The following STK32B variants were observed in gnomAD, a reference collection of about 807,000 sequenced individuals.
STK32B encodes serine/threonine kinase 32B.
A neutral mutation model predicts 52.6 loss-of-function variants in STK32B; 43 were observed. The ratio of observed to expected loss-of-function variants is 0.82; its 90% CI spans 0.64 to 1.05. STK32B has a LOEUF of 1.05. STK32B is among the 50% of genes least tolerant of loss of function. The pLI is 0.00. For synonymous variants in STK32B, 238 were observed against 204.3 expected (o/e 1.17, Z -1.41); for missense variants, 621 against 534.6 (o/e 1.16, Z -1.59).
intron 3 of STK32B, among the ~76,000 whole-genome samples, chr4:5,198,663 G>A (rs1233898840): frequency 6.6e-6 from 1 of 152,148 alleles, no homozygotes; most frequent in Non-Finnish European, 1.5e-5. Flanking sequence ...CCATGGGGTG[G>A]TGATGCCACA....
At chr4:5,249,393 A>G (rs1021583977) in intron 3 of STK32B, among the ~76,000 whole-genome samples, 1 of 152,006 alleles carries the variant, frequency 6.6e-6, no homozygotes, top group African/African-American at 2.4e-5. Context: ...AATTATGACA[A>G]GGGATCTGAT....
intron 3 of STK32B, among the ~76,000 whole-genome samples, chr4:5,188,658 C>T (rs947702721): frequency 6.6e-6 from 1 of 152,198 alleles, no homozygotes; most frequent in African/African-American, 2.4e-5. Context: ...TGTGTGGCTA[C>T]ACTTTCACCT....
intron 2 of STK32B, among the ~76,000 whole-genome samples, chr4:5,162,487 G>T (rs1490642215): frequency 6.6e-6 from 1 of 152,172 alleles, no homozygotes; most frequent in Non-Finnish European, 1.5e-5. Flanking sequence ...CACTGACTCA[G>T]GATCCATTCC....
At chr4:5,133,917 C>T (rs142857673) in intron 1 of STK32B, among the ~76,000 whole-genome samples, 5 of 152,192 alleles carry the variant, frequency 3.3e-5, no homozygotes, top group African/African-American at 4.8e-5. Flanking sequence ...AGTTAACTTA[C>T]GTCCTCAGGT....
At position 5,460,234 on chromosome 4, in the gene STK32B, T is replaced by C. The variant is rs757800318; in HGVS notation, c.909+6T>C. On this transcript the variant is annotated splice_donor_region_variant and intron_variant, in intron 9 of 11. Coordinates refer to ENST00000282908, the MANE Select transcript of STK32B (RefSeq NM_018401.3). This position sits in a 1 kb window ranked among gnomAD's most constrained non-coding sequence, Gnocchi z 4.8. The stretch of plus-strand genomic sequence containing the variant: ...TGCCCGGCTTTGTGCCCAATGTGAG[T>C]GGAAGTCCCACCTGATGTCATGCCA... 2 of 1,608,178 alleles carry C rather than the reference T, an allele frequency of 1.2e-6. No homozygotes were observed. Among genetic ancestry groups the C allele is most frequent in the South Asian group, 1.1e-5 (1 of 90,018 alleles).
intron 1 of STK32B, among the ~76,000 whole-genome samples, chr4:5,080,036 A>T (rs536981215): frequency 9.3e-6 from 1 of 107,874 alleles, no homozygotes; most frequent in South Asian, 4.1e-4. Flanking sequence ...CTGGAGACCT[A>T]ATGGTACGGC....
chr4:5,041,933 A>G, the STK32B span, among the ~76,000 whole-genome samples: 9 of 152,194 alleles, frequency 5.9e-5, no homozygotes, highest in African/African-American at 2.2e-4. Context: ...CATAAACGAT[A>G]ACAAAATCTG....
chr4:5,168,329 A>T lies in STK32B; in HGVS notation c.139A>T (p.Lys47Ter), dbSNP rs1229010019. 6.2e-7 allele frequency: 1 copy of T among 1,613,848 alleles called. No homozygotes were observed. Among genetic ancestry groups the T allele is most frequent in the East Asian group, 2.2e-5 (1 of 44,838 alleles). ...CATCGTGCAGAAGCGAGACACTAAG[A>T]AAATGTATGCAATGAAGTACATGAA... ...VCIVQKRDTKKMYAMKYMNKQ... is the reference protein window; with the variant it reads ...VCIVQKRDTK The change falls in exon 3 of 12, where the codon AAA becomes TAA. Residue 47 changes from lysine (K) to a stop codon, truncating the protein, a stop_gained. Coordinates refer to ENST00000282908, the MANE Select transcript of STK32B (RefSeq NM_018401.3). LOFTEE classifies it high-confidence loss of function.
chr4:5,086,505 C>A (rs1712738698), intron 1 of STK32B, among the ~76,000 whole-genome samples: 1 of 150,994 alleles, frequency 6.6e-6, no homozygotes, highest in African/African-American at 2.4e-5. Flanking sequence ...TAATGGCAAC[C>A]CCAGAAGTAG....
chr4:5,197,894 C>G (rs57228804), intron 3 of STK32B, among the ~76,000 whole-genome samples: 35,555 of 151,996 alleles, frequency 0.23, 5,095 homozygotes, highest in Non-Finnish European at 0.33. Flanking sequence ...AGCCATCCTG[C>G]CTGGAATAAG....
intron 3 of STK32B, among the ~76,000 whole-genome samples, chr4:5,249,487 C>T (rs1041442308): frequency 1.4e-5 from 2 of 142,026 alleles, no homozygotes; most frequent in Non-Finnish European, 3.0e-5. Flanking sequence ...TCCTTCCTTC[C>T]TTCCTTCCTT....
At chr4:5,174,627 G>C (rs954860390) in intron 3 of STK32B, among the ~76,000 whole-genome samples, 4 of 152,124 alleles carry the variant, frequency 2.6e-5, no homozygotes, top group African/African-American at 7.2e-5. Context: ...TTGAATATTG[G>C]CCTCCACTCT....
intron 1 of STK32B, among the ~76,000 whole-genome samples, chr4:5,122,430 CTACTTCACTCATTCACT>C (rs1715102259): frequency 1.4e-5 from 2 of 148,040 alleles, no homozygotes; most frequent in African/African-American, 5.1e-5. Context: ...ACTCATTAAC[CTACTTCACTCATTCACT>C]CACTTATCCA....
At chr4:5,227,925 C>T (rs539574656) in intron 3 of STK32B, among the ~76,000 whole-genome samples, 10 of 152,202 alleles carry the variant, frequency 6.6e-5, no homozygotes, top group African/African-American at 2.2e-4. Context: ...TGCAAAGGAG[C>T]CAGCAGTTTC....
rs148698928 is a variant in STK32B, at chr4:5,338,623, G to A, written c.434+7230G>A. On this transcript the variant is annotated intron_variant, in intron 4 of 11. Transcript: ENST00000282908. ...ATAAATGCCGATGTTCCAGAGCTGA[G>A]CCAGGGATGAACAAGGCAGGAAATG... Among the ~76,000 whole-genome samples, 407 of 152,322 alleles carry A rather than the reference G, an allele frequency of 2.7e-3. 2 individuals are homozygous for A. The highest frequency in any genetic ancestry group is 9.3e-3 in the African/African-American group (388 of 41,580).
At chr4:5,237,197 C>T (rs180684236) in intron 3 of STK32B, among the ~76,000 whole-genome samples, 11 of 152,288 alleles carry the variant, frequency 7.2e-5, no homozygotes, top group African/African-American at 2.6e-4. Context: ...CTGGGTCATG[C>T]ACCCATCCCT....
At chr4:5,120,880 TATA>T (rs1714987954) in intron 1 of STK32B, among the ~76,000 whole-genome samples, 1 of 151,466 alleles carries the variant, frequency 6.6e-6, no homozygotes, top group Admixed American at 6.6e-5. Context: ...TTTAAGAAAT[TATA>T]TTATAAAATT....
At chr4:5,287,088 G>A (rs539636950) in intron 3 of STK32B, among the ~76,000 whole-genome samples, 123 of 152,172 alleles carry the variant, frequency 8.1e-4, no homozygotes, top group Non-Finnish European at 1.5e-3. Flanking sequence ...GAGCCACCGC[G>A]CCCAGCCAGG....
At chr4:5,112,892 T>C (rs1714482345) in intron 1 of STK32B, among the ~76,000 whole-genome samples, 2 of 152,200 alleles carry the variant, frequency 1.3e-5, no homozygotes, top group South Asian at 4.1e-4. Context: ...AAGATTCATG[T>C]ATTCAAAAGA....
Sources: allele counts gnomAD v4.1 joint callset (sites outside exome capture counted in the v4.1 genomes callset), GRCh38; gene constraint gnomAD v4.1.1; non-coding constraint Gnocchi (gnomAD v3.1); transcripts MANE v1.5; gene names NCBI Gene and HGNC (gene_info 2026-07-23, HGNC 2026-07-21).